PDE3A: variants seen among roughly 807,000 people sequenced by gnomAD.
PDE3A encodes cGMP-inhibited 3',5'-cyclic phosphodiesterase 3A.
In PDE3A, 43 loss-of-function variants were observed where a neutral mutation model predicts 98.3. The ratio of observed to expected loss-of-function variants is 0.44; its 90% CI spans 0.34 to 0.56. PDE3A has a LOEUF of 0.56. PDE3A is among the 20% of genes least tolerant of loss of function. The probability of loss-of-function intolerance (pLI) is 0.01; values close to 1 mark genes in which losing one functional copy is unlikely to be tolerated. For synonymous variants in PDE3A, 663 were observed against 567.9 expected, an observed-to-expected ratio of 1.17 and a Z score of -2.38; for missense variants, 1,427 against 1,440.7, an observed-to-expected ratio of 0.99 and a Z score of 0.15.
At chr12:20,620,753 T>C (rs1944112467) in intron 4 of PDE3A, among the ~76,000 whole-genome samples, 1 of 151,996 alleles carries the variant, frequency 6.6e-6, no homozygotes, top group Admixed American at 6.6e-5. Flanking sequence ...GCATGTCCCT[T>C]TTTACAAATT....
intron 6 of PDE3A, among the ~76,000 whole-genome samples, 168 bp downstream of exon 6, chr12:20,630,295 T>A (rs1944351792): frequency 6.6e-6 from 1 of 152,200 alleles, no homozygotes; most frequent in Non-Finnish European, 1.5e-5. Flanking sequence ...AAAACTTATG[T>A]TTTAGTAGTT....
At chr12:20,499,026 C>T (rs1199048890) in intron 1 of PDE3A, among the ~76,000 whole-genome samples, 1 of 152,050 alleles carries the variant, frequency 6.6e-6, no homozygotes, top group African/African-American at 2.4e-5. Flanking sequence ...TGTTTTTGCA[C>T]TTTTGGGGCC....
At chr12:20,400,409 T>C (rs868256485) in intron 1 of PDE3A, among the ~76,000 whole-genome samples, 17,750 of 122,330 alleles carry the variant, frequency 0.15, 2,037 homozygotes, top group Admixed American at 0.24. Context: ...TTTTTTTTTT[T>C]TTTTTTTTTT....
chr12:20,388,698 T>C (rs1161758308), intron 1 of PDE3A, among the ~76,000 whole-genome samples: 2 of 152,054 alleles, frequency 1.3e-5, no homozygotes, highest in Non-Finnish European at 2.9e-5. Context: ...GTAATTTCTA[T>C]GTTTTGTTGT....
At chr12:20,549,482 A>G (rs1181569636) in intron 1 of PDE3A, among the ~76,000 whole-genome samples, 1 of 151,956 alleles carries the variant, frequency 6.6e-6, no homozygotes, top group Non-Finnish European at 1.5e-5. Context: ...TGGAAGTTTA[A>G]TGATAAACAC....
In PDE3A at chr12:20,635,488, G is replaced by T. The variant is rs373757832; in HGVS notation, c.2001+432G>T. Among the ~76,000 whole-genome samples, 4 of 151,644 alleles carry T rather than the reference G, an allele frequency of 2.6e-5. No individual in the cohort carries two copies. The South Asian group carries it at 8.3e-4, about 32-fold the overall frequency. ...AGCTACGCAGGAGGCTGAGGCAGTA[G>T]AATCGCTTGAACCCAGGAGGTGGAG... On this transcript the variant is annotated intron_variant, in intron 8 of 15. Coordinates refer to ENST00000359062, the MANE Select transcript of PDE3A (RefSeq NM_000921.5).
intron 15 of PDE3A, among the ~76,000 whole-genome samples, chr12:20,662,106 G>C (rs555340558): frequency 7.2e-5 from 11 of 152,112 alleles, no homozygotes; most frequent in Non-Finnish European, 1.2e-4. Context: ...GGTCTCTCCA[G>C]CCATGTGAAA....
chr12:20,625,653 A>G (rs942421965), intron 5 of PDE3A, among the ~76,000 whole-genome samples: 1 of 152,184 alleles, frequency 6.6e-6, no homozygotes, highest in Non-Finnish European at 1.5e-5. Context: ...AGAGTTTTAT[A>G]GCACAAAACA....
At chr12:20,572,088 G>T in intron 2 of PDE3A, 1 of 1,242,914 alleles carries the variant, frequency 8.0e-7, no homozygotes, top group Non-Finnish European at 1.0e-6. Flanking sequence ...CAGTCTAACA[G>T]AATCTGAACT....
chr12:20,381,006 A>G (rs760024898), intron 1 of PDE3A, among the ~76,000 whole-genome samples: 1 of 151,842 alleles, frequency 6.6e-6, no homozygotes, highest in African/African-American at 2.4e-5. Context: ...TGTTTTCCCT[A>G]TAATTGGAGT....
intron 15 of PDE3A, among the ~76,000 whole-genome samples, chr12:20,666,477 C>A (rs1945316263): frequency 6.6e-6 from 1 of 152,186 alleles, no homozygotes; most frequent in African/African-American, 2.4e-5. Context: ...ATTCTACCCT[C>A]ACTTCCATGA....
At chr12:20,393,913 G>A (rs544481963) in intron 1 of PDE3A, among the ~76,000 whole-genome samples, 32 of 152,082 alleles carry the variant, frequency 2.1e-4, no homozygotes, top group African/African-American at 7.5e-4. Context: ...CCAACCTCCT[G>A]AATCAATGCT....
At chr12:20,576,346 C>T (rs1476990326) in intron 2 of PDE3A, among the ~76,000 whole-genome samples, 1 of 152,006 alleles carries the variant, frequency 6.6e-6, no homozygotes, top group African/African-American at 2.4e-5. Context: ...AGATTAGTCT[C>T]AAGTATTAAT....
intron 2 of PDE3A, among the ~76,000 whole-genome samples, chr12:20,580,261 A>G (rs1253122459): frequency 6.6e-6 from 1 of 152,120 alleles, no homozygotes; most frequent in Non-Finnish European, 1.5e-5. Flanking sequence ...TTGCTGGGTA[A>G]TTCCTGCAGG....
intron 2 of PDE3A, among the ~76,000 whole-genome samples, chr12:20,603,203 G>A (rs1943633895): frequency 6.6e-6 from 1 of 152,130 alleles, no homozygotes; most frequent in Non-Finnish European, 1.5e-5. Flanking sequence ...CTCTTACACT[G>A]TTTATTCGTC....
chr12:20,473,045 A>G (rs988710244), intron 1 of PDE3A, among the ~76,000 whole-genome samples: 1 of 152,180 alleles, frequency 6.6e-6, no homozygotes, highest in Non-Finnish European at 1.5e-5. Context: ...ACAATTGATA[A>G]TGAACATTTA....
At position 20,630,101 on chromosome 12, in the gene PDE3A, C is replaced by A. The variant is rs559865252; in HGVS notation, c.1734C>A (p.Ile578=). ...GTGCCCCAGACCTATCCCCTCAAAT[C>A]CTGACTCCACCTGTTATATGTAGCA... ...TQSAPDLSPQ[I]LTPPVICSSC... The change falls in exon 6 of 16, where the codon ATC becomes ATA. Residue 578 remains isoleucine (I), a synonymous_variant. Coordinates refer to ENST00000359062, the MANE Select transcript of PDE3A (RefSeq NM_000921.5). The A allele has an allele frequency of 2.5e-5, 41 of 1,611,248 alleles. No individual in the cohort carries two copies. The highest frequency in any genetic ancestry group is 3.2e-5 in the Non-Finnish European group (38 of 1,177,558).
At chr12:20,633,874 G>A in intron 7 of PDE3A, 96 bp downstream of exon 7, 1 of 678,384 alleles carries the variant, frequency 1.5e-6, no homozygotes, top group Non-Finnish European at 2.5e-6. Context: ...GATATTTTGT[G>A]GGGCGCTGGG....
intron 15 of PDE3A, among the ~76,000 whole-genome samples, chr12:20,672,403 C>G (rs1945507400): frequency 1.3e-5 from 1 of 76,968 alleles, no homozygotes; most frequent in East Asian, 5.5e-4. Context: ...AATCCTAAGC[C>G]AAAAGAACAA....
Sources: allele counts gnomAD v4.1 joint callset (sites outside exome capture counted in the v4.1 genomes callset), GRCh38; gene constraint gnomAD v4.1.1; transcripts MANE v1.5; gene names NCBI Gene and HGNC (gene_info 2026-07-23, HGNC 2026-07-21).